NALF1: variants seen among roughly 807,000 people sequenced by gnomAD.
NALF1 encodes family with sequence similarity 155 member A.
Under a neutral mutation model 48.4 loss-of-function variants are expected in NALF1, and 3 were observed. The ratio of observed to expected loss-of-function variants is 0.06; its 90% CI spans 0.03 to 0.16. The LOEUF (loss-of-function observed/expected upper bound fraction) is 0.16. NALF1 is among the 10% of genes least tolerant of loss of function. The pLI, the probability that NALF1 is intolerant of heterozygous loss-of-function variation, is 1.00. For missense variants in NALF1, 526 were observed against 571.5 expected, an observed-to-expected ratio of 0.92 and a Z score of 0.81; for synonymous variants, 262 against 245.7, an observed-to-expected ratio of 1.07 and a Z score of -0.62.
At chr13:107,510,682 A>C (rs1443800715) in intron 1 of NALF1, among the ~76,000 whole-genome samples, 1 of 152,196 alleles carries the variant, frequency 6.6e-6, no homozygotes, top group Middle Eastern at 3.2e-3. Context: ...TGAGGCCTTG[A>C]TACTCTGCGG....
At chr13:107,858,849 A>G (rs2138648232) in intron 1 of NALF1, among the ~76,000 whole-genome samples, 1 of 152,306 alleles carries the variant, frequency 6.6e-6, no homozygotes, top group East Asian at 1.9e-4. Context: ...TAAATTCTGA[A>G]GCTTGTTACC....
chr13:107,209,014 C>T (rs1879703188), intron 2 of NALF1, among the ~76,000 whole-genome samples: 1 of 152,186 alleles, frequency 6.6e-6, no homozygotes, highest in Admixed American at 6.5e-5. Flanking sequence ...TATGGCTGGT[C>T]AATGACATAA....
chr13:107,836,698 G>A (rs59053514), intron 1 of NALF1, among the ~76,000 whole-genome samples: 2,121 of 152,216 alleles, frequency 0.014, 35 homozygotes, highest in African/African-American at 0.032. Flanking sequence ...GAAAGTCCTC[G>A]CCTGATTTCA....
chr13:107,483,382 T>C (rs1029322483), intron 1 of NALF1, among the ~76,000 whole-genome samples: 5 of 152,294 alleles, frequency 3.3e-5, no homozygotes, highest in East Asian at 1.9e-4. Context: ...TTCTCTTTTG[T>C]AGTCTCAAAA....
chr13:107,191,721 G>C (rs1288409206), intron 2 of NALF1, among the ~76,000 whole-genome samples: 2 of 150,954 alleles, frequency 1.3e-5, no homozygotes, highest in African/African-American at 4.9e-5. Flanking sequence ...AGGCTGGAGT[G>C]CAGTGAGTGG....
intron 1 of NALF1, among the ~76,000 whole-genome samples, chr13:107,388,969 T>A (rs1386396126): frequency 6.6e-6 from 1 of 152,228 alleles, no homozygotes; most frequent in African/African-American, 2.4e-5. Flanking sequence ...AAAATGTCAC[T>A]TCCCATGATA....
intron 1 of NALF1, among the ~76,000 whole-genome samples, chr13:107,372,538 T>C (rs1883265708): frequency 6.6e-6 from 1 of 152,242 alleles, no homozygotes; most frequent in African/African-American, 2.4e-5. Context: ...ATTTGAAATA[T>C]AGCAGAGAAT....
At chr13:107,835,908 G>A (rs1879874774) in intron 1 of NALF1, among the ~76,000 whole-genome samples, 1 of 152,148 alleles carries the variant, frequency 6.6e-6, no homozygotes, top group Non-Finnish European at 1.5e-5. Context: ...TAGATCATCA[G>A]GAGAACCAAC....
intron 1 of NALF1, among the ~76,000 whole-genome samples, chr13:107,317,442 T>C (rs529727505): frequency 1.3e-5 from 2 of 152,188 alleles, no homozygotes; most frequent in African/African-American, 2.4e-5. Flanking sequence ...ATTTTACATA[T>C]GGGAGGTTTA....
chr13:107,370,126 T>C (rs904594882), intron 1 of NALF1, among the ~76,000 whole-genome samples: 2 of 107,100 alleles, frequency 1.9e-5, no homozygotes, highest in African/African-American at 6.2e-5. Context: ...TTTGTAAACT[T>C]GGTTTGAGGA....
At chr13:107,768,804 A>G (rs1877491087) in intron 1 of NALF1, among the ~76,000 whole-genome samples, 1 of 152,196 alleles carries the variant, frequency 6.6e-6, no homozygotes, top group Non-Finnish European at 1.5e-5. Context: ...ACAAACGGCT[A>G]ATATCCAGAA....
intron 1 of NALF1, among the ~76,000 whole-genome samples, chr13:107,568,423 G>T (rs1877881377): frequency 6.6e-6 from 1 of 152,192 alleles, no homozygotes; most frequent in African/African-American, 2.4e-5. Context: ...TCAGGTTTAA[G>T]TTCTTGCATA....
chr13:107,505,822 G>T (rs1027031044), intron 1 of NALF1, among the ~76,000 whole-genome samples: 1 of 152,114 alleles, frequency 6.6e-6, no homozygotes, highest in Non-Finnish European at 1.5e-5. Flanking sequence ...CCATATTATT[G>T]TGAGAATTAT....
intron 1 of NALF1, among the ~76,000 whole-genome samples, chr13:107,532,373 G>GTT (rs777039130): frequency 5.3e-5 from 8 of 152,050 alleles, no homozygotes; most frequent in African/African-American, 1.2e-4. Context: ...ATTATGGACT[G>GTT]TTTTGCTGCT....
chr13:107,179,771 G>A (rs1203270995), intron 2 of NALF1, among the ~76,000 whole-genome samples: 1 of 151,274 alleles, frequency 6.6e-6, no homozygotes, highest in African/African-American at 2.4e-5. Context: ...TGGGGCTCAA[G>A]GGGAGGATTC....
chr13:107,293,756 C>T (rs1043018867), intron 1 of NALF1, among the ~76,000 whole-genome samples: 4 of 152,172 alleles, frequency 2.6e-5, no homozygotes, highest in Non-Finnish European at 4.4e-5. Flanking sequence ...CAGGAATGTA[C>T]ATTTGCAAGA....
At chr13:107,794,625 T>C (rs1426097604) in intron 1 of NALF1, among the ~76,000 whole-genome samples, 1 of 150,448 alleles carries the variant, frequency 6.6e-6, no homozygotes, top group Non-Finnish European at 1.5e-5. Flanking sequence ...CAAGTATTCT[T>C]AAAGTCCACA....
intron 1 of NALF1, among the ~76,000 whole-genome samples, chr13:107,583,588 ATTGT>A (rs1380648010): frequency 1.3e-5 from 2 of 152,176 alleles, no homozygotes; most frequent in African/African-American, 2.4e-5. Context: ...AAATAAACAA[ATTGT>A]TTGAGCTCTC....
At chr13:107,710,971 A>G (rs1875573857) in intron 1 of NALF1, among the ~76,000 whole-genome samples, 1 of 151,950 alleles carries the variant, frequency 6.6e-6, no homozygotes, top group African/African-American at 2.4e-5. Flanking sequence ...TGTATCGATG[A>G]GTCTTATTTG....
Sources: gnomAD v4.1 joint callset for allele counts (sites outside exome capture counted in the v4.1 genomes callset) on GRCh38, gnomAD v4.1.1 for gene constraint, MANE v1.5 for transcripts, NCBI Gene and HGNC (gene_info 2026-07-23, HGNC 2026-07-21) for gene names.